The following GALNT2 variants were observed in gnomAD, a reference collection of about 807,000 sequenced individuals.
GALNT2 encodes UDP-GalNAc:polypeptide N-acetylgalactosaminyltransferase 2.
Under a neutral mutation model 81.4 loss-of-function variants are expected in GALNT2, and 31 were observed. The ratio of observed to expected loss-of-function variants is 0.38; its 90% CI spans 0.29 to 0.51. GALNT2 has a LOEUF of 0.51. GALNT2 is among the 20% of genes least tolerant of loss of function. GALNT2 has a pLI of 0.87. For synonymous variants in GALNT2, 303 were observed against 287.4 expected (o/e 1.05, Z -0.55); for missense variants, 629 against 765.7 (o/e 0.82, Z 2.11).
In GALNT2 at chr1:230,236,068, G is replaced by A. The variant is rs754259713; in HGVS notation, c.429G>A (p.Thr143=). The A allele has an allele frequency of 9.9e-6, 16 of 1,614,038 alleles. No individual in the cohort carries two copies. The highest frequency in any genetic ancestry group is 5.3e-5 in the African/African-American group (4 of 75,056). Residue 143 remains threonine, a synonymous_variant, in exon 4 of 16, where the codon ACG becomes ACA. Coordinates refer to ENST00000366672, the MANE Select transcript of GALNT2 (RefSeq NM_004481.5). ...TGCCGGCCACCAGCGTGGTGATCACGTTTCACAATGAAGCCAGGTCGGCCC... is the reference window on the plus strand; with the variant it reads ...TGCCGGCCACCAGCGTGGTGATCACATTTCACAATGAAGCCAGGTCGGCCC... The part of the protein sequence containing the change: ...VDLPATSVVI[T]FHNEARSALL...
intron 1 of GALNT2, among the ~76,000 whole-genome samples, chr1:230,091,024 C>T (rs1395701315): frequency 6.6e-6 from 1 of 152,074 alleles, no homozygotes; most frequent in Non-Finnish European, 1.5e-5. Context: ...AGAAAGCCAG[C>T]ACTCCTGGGG....
At chr1:230,218,744 G>C (rs1164473918) in intron 3 of GALNT2, among the ~76,000 whole-genome samples, 1 of 152,172 alleles carries the variant, frequency 6.6e-6, no homozygotes, top group Non-Finnish European at 1.5e-5. Flanking sequence ...CCCTGAATGT[G>C]TATTTTTAAA....
intron 1 of GALNT2, among the ~76,000 whole-genome samples, chr1:230,155,489 G>A (rs572567771): frequency 6.6e-6 from 1 of 152,182 alleles, no homozygotes; most frequent in Non-Finnish European, 1.5e-5. Flanking sequence ...TATTCAGAGA[G>A]GGTCAAGATA....
rs559975238 is a variant in GALNT2, at chr1:230,279,518, A to G, written c.*60A>G. 801 of 1,557,242 alleles carry G rather than the reference A, an allele frequency of 5.1e-4. No homozygotes were observed. Among genetic ancestry groups the G allele is most frequent in the Non-Finnish European group, 6.7e-4 (768 of 1,145,554 alleles). ...CACCATTGGGTGGAGTCTGGTGATCACATTATTGATTATGTTTCTTAAACT... is the reference window on the plus strand; with the variant it reads ...CACCATTGGGTGGAGTCTGGTGATCGCATTATTGATTATGTTTCTTAAACT... On this transcript the variant is annotated 3_prime_UTR_variant, in exon 16 of 16. Coordinates refer to ENST00000366672, the MANE Select transcript of GALNT2 (RefSeq NM_004481.5). The surrounding 1 kb of genome is among the most constrained non-coding windows in gnomAD (Gnocchi z 4.6).
At chr1:230,136,368 C>T (rs1217535951) in intron 1 of GALNT2, among the ~76,000 whole-genome samples, 1 of 152,210 alleles carries the variant, frequency 6.6e-6, no homozygotes, top group Non-Finnish European at 1.5e-5. Flanking sequence ...CCATAGAGCT[C>T]CAGGAGAGAG....
rs573974002 is a variant in GALNT2, at chr1:230,202,334, C to T, written c.221-803C>T. 4.6e-5 allele frequency among the ~76,000 whole-genome samples: 7 copies of T among 152,330 alleles called. No individual in the cohort carries two copies. The East Asian group carries it at 1.4e-3, about 29-fold the overall frequency. On this transcript the variant is annotated intron_variant, in intron 2 of 15. Coordinates refer to ENST00000366672, the MANE Select transcript of GALNT2 (RefSeq NM_004481.5). ...GCTCATCCTGACTTCACTCGCCTAG[C>T]AGTGCTCTCCTCTCAATGCTCCTTG...
Position 230,274,546 on chromosome 1 carries a change from A to G in GALNT2, c.1542A>G (p.Arg514=). The G allele has an allele frequency of 6.2e-7, 1 of 1,614,010 alleles. No homozygotes were observed. ...CTCTTATAAAGCTGCAGGGCTGCCG[A>G]GAAAATGACAGCAGACAGGTACGGC... ...PGSLIKLQGC[R]ENDSRQKWEQ... is the part of the protein sequence containing the mutation. Residue 514 remains arginine, a synonymous_variant, in exon 15 of 16, where the codon CGA becomes CGG. Transcript: ENST00000366672.
At position 230,281,382 on chromosome 1, in the gene GALNT2, G is replaced by T. The variant is rs561443504; in HGVS notation, c.*1924G>T. On this transcript the variant is annotated 3_prime_UTR_variant, in exon 16 of 16. Coordinates refer to ENST00000366672, the MANE Select transcript of GALNT2 (RefSeq NM_004481.5). The stretch of plus-strand genomic sequence containing the variant: ...GTCTTTCACGGTGGGCGCTCGGGGG[G>T]AGCCTGAGGAAAACCCCCTTAGGTA... The T allele has an allele frequency of 2.9e-4, 44 of 149,626 alleles. No individual in the cohort carries two copies. Among genetic ancestry groups the T allele is most frequent in the African/African-American group, 1.1e-3 (43 of 40,572 alleles). 9.3% of individuals were successfully genotyped at this position (149,626 alleles called of 1,614,324 possible).
chr1:230,138,078 C>T (rs1661607847), intron 1 of GALNT2, among the ~76,000 whole-genome samples: 1 of 152,190 alleles, frequency 6.6e-6, no homozygotes, highest in East Asian at 1.9e-4. Context: ...TTCCAGACCT[C>T]TGTCTGTGGC....
At chr1:230,224,913 G>A (rs1168526281) in intron 3 of GALNT2, among the ~76,000 whole-genome samples, 1 of 152,268 alleles carries the variant, frequency 6.6e-6, no homozygotes, top group Non-Finnish European at 1.5e-5. Flanking sequence ...GAAGCCTGCG[G>A]TATTCAAGAA....
chr1:230,243,571 T>C lies in GALNT2; in HGVS notation c.729+144T>C. Reference sequence around the variant, plus strand: ...CTGAGCTCGCCGTCTGCAGTTTTCCTTGATAGAAGGAAAATGCCTTTGGGG... The same window carrying C: ...CTGAGCTCGCCGTCTGCAGTTTTCCCTGATAGAAGGAAAATGCCTTTGGGG... On this transcript the variant is annotated intron_variant, in intron 7 of 15. Transcript: ENST00000366672. The surrounding 1 kb of genome is among the most constrained non-coding windows in gnomAD (Gnocchi z 4.2). The C allele has an allele frequency of 1.9e-6, 2 of 1,053,558 alleles. No individual in the cohort carries two copies. Among genetic ancestry groups the C allele is most frequent in the Non-Finnish European group, 2.6e-6 (2 of 768,952 alleles). 65.3% of individuals were successfully genotyped at this position (1,053,558 alleles called of 1,614,324 possible).
rs149444232 is a variant in GALNT2, at chr1:230,271,523, A to T, written c.1441-2922A>T. Among the ~76,000 whole-genome samples, 19 of 152,246 alleles carry T rather than the reference A, an allele frequency of 1.2e-4. No homozygotes were observed. The East Asian group carries it at 3.7e-3, about 29-fold the overall frequency. On this transcript the variant is annotated intron_variant, in intron 14 of 15. Coordinates refer to ENST00000366672, the MANE Select transcript of GALNT2 (RefSeq NM_004481.5). The surrounding 1 kb of genome is among the most constrained non-coding windows in gnomAD (Gnocchi z 4.2). ...CGGGTTATGGGCTTCCTCCCACAAG[A>T]TGCTTCTACTCCAGATGCCAGTCAC...
intron 3 of GALNT2, among the ~76,000 whole-genome samples, chr1:230,204,657 C>T (rs2102708206): frequency 6.6e-6 from 1 of 152,264 alleles, no homozygotes; most frequent in East Asian, 1.9e-4. Context: ...AGGTCTTTCA[C>T]ATTGGAATTC....
chr1:230,103,890 T>C (rs1033033296), intron 1 of GALNT2, among the ~76,000 whole-genome samples: 5 of 152,220 alleles, frequency 3.3e-5, no homozygotes, highest in Admixed American at 1.3e-4. Context: ...CCGTGAGAGC[T>C]GCTCCTACCT....
chr1:230,184,081 G>A (rs567867506), intron 2 of GALNT2, among the ~76,000 whole-genome samples: 1 of 150,608 alleles, frequency 6.6e-6, no homozygotes, highest in African/African-American at 2.4e-5. Flanking sequence ...ATTTTCTTAT[G>A]TTAAAAGAGC....
At chr1:230,174,911 C>T (rs1027561132) in intron 1 of GALNT2, among the ~76,000 whole-genome samples, 2 of 152,226 alleles carry the variant, frequency 1.3e-5, no homozygotes, top group Non-Finnish European at 2.9e-5. Flanking sequence ...CCTTAGGTCT[C>T]CACCGAGGTA....
intron 1 of GALNT2, among the ~76,000 whole-genome samples, chr1:230,112,795 G>A (rs1660742444): frequency 6.6e-6 from 1 of 151,296 alleles, no homozygotes; most frequent in African/African-American, 2.4e-5. Flanking sequence ...TGTGTGGCAG[G>A]GGGGTGGGGG....
chr1:230,155,648 G>T (rs1012152892), intron 1 of GALNT2, among the ~76,000 whole-genome samples: 3 of 152,184 alleles, frequency 2.0e-5, no homozygotes, highest in Non-Finnish European at 4.4e-5. Flanking sequence ...GAGGACTGGA[G>T]CTTTTGTCAT....
At position 230,203,198 on chromosome 1, in the gene GALNT2, C is replaced by T. The variant is rs758533414; in HGVS notation, c.282C>T (p.Ser94=). The change falls in exon 3 of 16, where the codon TCC becomes TCT. Residue 94 remains serine, a synonymous_variant. Coordinates refer to ENST00000366672, the MANE Select transcript of GALNT2 (RefSeq NM_004481.5). ...ATGTTGGAGGGACGATGGTCCGCTCCGGGCAGGACCCTTACGCCCGCAACA... is the reference window on the plus strand; with the variant it reads ...ATGTTGGAGGGACGATGGTCCGCTCTGGGCAGGACCCTTACGCCCGCAACA... ...EAYVGGTMVR[S]GQDPYARNKF... is the part of the protein sequence containing the mutation. 44 of 1,614,134 alleles carry T rather than the reference C, an allele frequency of 2.7e-5. No homozygotes were observed. The highest frequency in any genetic ancestry group is 2.0e-4 in the South Asian group (18 of 91,090).
Sources: allele counts gnomAD v4.1 joint callset (sites outside exome capture counted in the v4.1 genomes callset), GRCh38; gene constraint gnomAD v4.1.1; non-coding constraint Gnocchi (gnomAD v3.1); transcripts MANE v1.5; gene names NCBI Gene and HGNC (gene_info 2026-07-23, HGNC 2026-07-21).